The following NXN variants were observed in gnomAD, a reference collection of about 807,000 sequenced individuals.
The protein encoded by NXN is nucleoredoxin, also known as nucleoredoxin 1.
In NXN, 16 loss-of-function variants were observed where a neutral mutation model predicts 48.6. The ratio of observed to expected loss-of-function variants is 0.33; its 90% CI spans 0.22 to 0.50. NXN has a LOEUF of 0.50. NXN is among the 20% of genes least tolerant of loss of function. The pLI, the probability that NXN is intolerant of heterozygous loss-of-function variation, is 0.98. For synonymous variants in NXN, 281 were observed against 269.6 expected (o/e 1.04, Z -0.41); for missense variants, 492 against 605.5 (o/e 0.81, Z 1.97).
Position 919,202 on chromosome 17 carries a change from C to A in NXN, c.360+60117G>T, listed in dbSNP as rs7212427. On this transcript the variant is annotated intron_variant, in intron 1 of 7. Transcript: ENST00000336868. This position sits in a 1 kb window ranked among gnomAD's most constrained non-coding sequence, Gnocchi z 5.1. ...ACATGGTGAAAGCCCGTCTCTACTACAAATACAAAAATCAGCCGGGCGTCA... is the reference window on the plus strand; with the variant it reads ...ACATGGTGAAAGCCCGTCTCTACTAAAAATACAAAAATCAGCCGGGCGTCA... Among the ~76,000 whole-genome samples, 61,170 of 151,540 alleles carry A rather than the reference C, an allele frequency of 0.4. 12,796 individuals carry two copies. Among genetic ancestry groups the A allele is most frequent in the East Asian group, 0.71 (3,628 of 5,106 alleles).
At chr17:964,198 C>G (rs543688736) in intron 1 of NXN, among the ~76,000 whole-genome samples, 1 of 152,322 alleles carries the variant, frequency 6.6e-6, no homozygotes, top group South Asian at 2.1e-4. Context: ...TGTAAACAGT[C>G]AGCAGGAAAG....
At chr17:915,916 CT>C (rs2068684981) in intron 1 of NXN, among the ~76,000 whole-genome samples, 1 of 105,508 alleles carries the variant, frequency 9.5e-6, no homozygotes, top group Non-Finnish European at 1.9e-5. Context: ...TTCTTTTGTC[CT>C]TGTCCCTAGA....
intron 1 of NXN, among the ~76,000 whole-genome samples, chr17:937,015 C>A (rs982905325): frequency 2.0e-5 from 3 of 151,852 alleles, no homozygotes; most frequent in African/African-American, 7.3e-5. Context: ...ATTGCACAAC[C>A]GCATTCCAGC....
chr17:914,979 G>A (rs561930799), intron 1 of NXN, among the ~76,000 whole-genome samples: 5 of 152,238 alleles, frequency 3.3e-5, no homozygotes, highest in African/African-American at 1.2e-4. Flanking sequence ...TCGCTCGCCA[G>A]GCTGGAGTGC....
chr17:886,479 C>T (rs777411985), intron 1 of NXN, among the ~76,000 whole-genome samples: 2 of 152,178 alleles, frequency 1.3e-5, no homozygotes, highest in South Asian at 2.1e-4. Context: ...CTTCGCTCCA[C>T]GGGAACCAAC....
rs1157798910 is a variant in NXN, at chr17:900,134, G to A, written c.361-74056C>T. ...TACAAAATTAGCGGGGTGTGGTGGCGCATGCCTGAAATCCCAGCTACTTAG... is the reference window on the plus strand; with the variant it reads ...TACAAAATTAGCGGGGTGTGGTGGCACATGCCTGAAATCCCAGCTACTTAG... On this transcript the variant is annotated intron_variant, in intron 1 of 7. Coordinates refer to ENST00000336868, the MANE Select transcript of NXN (RefSeq NM_022463.5). Among the ~76,000 whole-genome samples the A allele has an allele frequency of 2.6e-5, 4 of 151,996 alleles. No individual in the cohort carries two copies. The East Asian group carries it at 5.8e-4, about 22-fold the overall frequency.
intron 1 of NXN, among the ~76,000 whole-genome samples, chr17:910,430 T>C (rs894742951): frequency 7.2e-5 from 11 of 151,832 alleles, no homozygotes; most frequent in African/African-American, 2.7e-4. Context: ...AAAAAAGTTC[T>C]AATCTTTGTA....
intron 1 of NXN, among the ~76,000 whole-genome samples, chr17:844,971 G>T (rs2067843501): frequency 6.6e-6 from 1 of 152,104 alleles, no homozygotes; most frequent in South Asian, 2.1e-4. Context: ...GGTGCCCGAG[G>T]ACAGGACACC....
intron 1 of NXN, among the ~76,000 whole-genome samples, chr17:931,062 C>T (rs2068848200): frequency 6.6e-6 from 1 of 152,152 alleles, no homozygotes; most frequent in Admixed American, 6.5e-5. Context: ...AGCCACCGCA[C>T]CCGGCTGGTG....
chr17:934,708 T>C (rs1436084781), intron 1 of NXN, among the ~76,000 whole-genome samples: 2 of 151,278 alleles, frequency 1.3e-5, no homozygotes, highest in Non-Finnish European at 2.9e-5. Context: ...ACCCCATCTC[T>C]ACTAAAAATA....
chr17:903,807 T>C (rs2068558312), intron 1 of NXN, among the ~76,000 whole-genome samples: 1 of 152,184 alleles, frequency 6.6e-6, no homozygotes, highest in Non-Finnish European at 1.5e-5. Flanking sequence ...CCGGAAGTCA[T>C]ACAACGTATT....
intron 1 of NXN, among the ~76,000 whole-genome samples, chr17:973,773 G>C (rs962620962): frequency 6.6e-6 from 1 of 151,758 alleles, no homozygotes; most frequent in Non-Finnish European, 1.5e-5. Flanking sequence ...TCCACCTCTC[G>C]GGTTCAAGCG....
intron 1 of NXN, among the ~76,000 whole-genome samples, chr17:972,590 G>C (rs1300705934): frequency 6.6e-6 from 1 of 152,304 alleles, no homozygotes; most frequent in East Asian, 1.9e-4. Flanking sequence ...GGACGAGCTG[G>C]AGCCCTGGAA....
intron 1 of NXN, among the ~76,000 whole-genome samples, chr17:928,417 C>G (rs2068822561): frequency 6.6e-6 from 1 of 152,162 alleles, no homozygotes; most frequent in Non-Finnish European, 1.5e-5. Context: ...ACTGGCCAAC[C>G]ACCACACCCC....
At chr17:963,893 T>C (rs541027304) in intron 1 of NXN, among the ~76,000 whole-genome samples, 164 of 150,598 alleles carry the variant, frequency 1.1e-3, no homozygotes, top group African/African-American at 3.1e-3. Flanking sequence ...GTGGCTAACG[T>C]GGTGAAACCC....
rs993065588 is a variant in NXN, at chr17:932,781, T to G, written c.360+46538A>C. Among the ~76,000 whole-genome samples the G allele has an allele frequency of 6.6e-6, 1 of 152,136 alleles. No homozygotes were observed. Among genetic ancestry groups the G allele is most frequent in the African/African-American group, 2.4e-5 (1 of 41,442 alleles). On this transcript the variant is annotated intron_variant, in intron 1 of 7. Transcript: ENST00000336868. This position sits in a 1 kb window ranked among gnomAD's most constrained non-coding sequence, Gnocchi z 4.1. Reference sequence around the variant, plus strand: ...GTGCCTTGTTGTGGCCGGCTTCGCATAAGTCATCTGCGCCCGCCACCACGC... The same window carrying G: ...GTGCCTTGTTGTGGCCGGCTTCGCAGAAGTCATCTGCGCCCGCCACCACGC...
chr17:974,710 G>T (rs1282834302), intron 1 of NXN, among the ~76,000 whole-genome samples: 2 of 151,874 alleles, frequency 1.3e-5, no homozygotes, highest in African/African-American at 4.8e-5. Context: ...CCATGTATTA[G>T]ACTGCCTTAT....
rs5818770 is a variant in NXN at position 836,963 on chromosome 17, C to CTATTATTATTATTATTAT, written c.361-10903_361-10886dup. On this transcript the variant is annotated intron_variant, in intron 1 of 7. Transcript: ENST00000336868. The stretch of plus-strand genomic sequence containing the variant: ...TGAGCCACCACACCTAGCTTAGTTG[C>CTATTATTATTATTATTAT]TATTATTATTATTATTATTATTATT... Among the ~76,000 whole-genome samples, 742 of 144,912 alleles carry CTATTATTATTATTATTAT rather than the reference C, an allele frequency of 5.1e-3. 2 individuals are homozygous for CTATTATTATTATTATTAT. The highest frequency in any genetic ancestry group is 0.02 in the East Asian group (98 of 4,874).
chr17:812,864 G>C (rs1053347775), intron 5 of NXN, among the ~76,000 whole-genome samples: 1 of 77,406 alleles, frequency 1.3e-5, no homozygotes, highest in Non-Finnish European at 2.8e-5. Flanking sequence ...GTGTGTAGGT[G>C]TGTGTGGGTG....
Sources: allele counts gnomAD v4.1 joint callset (sites outside exome capture counted in the v4.1 genomes callset), GRCh38; gene constraint gnomAD v4.1.1; non-coding constraint Gnocchi (gnomAD v3.1); transcripts MANE v1.5; gene names NCBI Gene and HGNC (gene_info 2026-07-23, HGNC 2026-07-21).